SPATA31A1: variants seen among roughly 807,000 people sequenced by gnomAD.
The protein encoded by SPATA31A1 is SPATA31 subfamily A member 1, also known as spermatogenesis-associated protein 31A1.
For missense variants in SPATA31A1, 579 were observed against 1,476.3 expected (o/e 0.39, Z 9.96); for synonymous variants, 194 against 573.4 (o/e 0.34, Z 9.45).
At chr9:39,357,546 G>T (rs1307944901) in intron 2 of SPATA31A1, 4 of 639,012 alleles carry the variant, frequency 6.3e-6, no homozygotes, top group African/African-American at 3.8e-5. Context: ...GACTGTGGGG[G>T]TGGGGGGTCC....
In SPATA31A1 at chr9:39,361,063, C is replaced by T; in HGVS notation, c.3298C>T (p.Gln1100Ter). The T allele has an allele frequency of 6.2e-7, 1 of 1,610,892 alleles. No individual in the cohort carries two copies. Among genetic ancestry groups the T allele is most frequent in the Admixed American group, 1.7e-5 (1 of 59,926 alleles). Residue 1100 changes from glutamine to a stop codon, truncating the protein, a stop_gained, in exon 4 of 4, where the codon CAA (glutamine) becomes TAA (stop). Coordinates refer to ENST00000377647, the MANE Select transcript of SPATA31A1 (RefSeq NM_001085452.4). LOFTEE classifies it low-confidence loss of function (END_TRUNC). ...AAACTGTCAAGGCTCATGCAAGAAC[C>T]AAAGGCCAATGTTTCCCCCTATTCA... Reference protein sequence around the residue: ...NPNCQGSCKNQRPMFPPIHKS... With the variant: ...NPNCQGSCKN
Position 39,358,723 on chromosome 9 carries a change from C to T in SPATA31A1, c.958C>T (p.Leu320Phe), listed in dbSNP as rs1473709944. Residue 320 changes from leucine (L) to phenylalanine (F), a missense_variant, in exon 4 of 4, where the codon CTC (leucine) becomes TTC (phenylalanine). Physicochemically the swap from Leu to Phe is conservative, Grantham distance 22 (BLOSUM62 0). Transcript: ENST00000377647. ...GATGGAAGCTGGTAGCCTGTTTTTG[C>T]TCAGCTCTGATGGCCAGAATGCCGT... ...YQMEAGSLFL[L>F]SSDGQNAVGI... 24 of 1,606,338 alleles carry T rather than the reference C, an allele frequency of 1.5e-5. No individual in the cohort carries two copies. The East Asian group carries it at 1.8e-4, about 12-fold the overall frequency.
chr9:39,357,658 T>G, intron 2 of SPATA31A1, 100 bp from the exon 3 acceptor site: 3 of 1,594,244 alleles, frequency 1.9e-6, no homozygotes, highest in Non-Finnish European at 2.6e-6. Context: ...GGGCCCAGGG[T>G]CTAATTCCCC....
rs1218180120 is a variant in SPATA31A1 at position 39,361,739 on chromosome 9, C to T, written c.3974C>T (p.Pro1325Leu). ...CCAGTCAGTCCCCTTCAGCACTGGC[C>T]GAAGACATCCGGTGCCTCTAGCCAC... Reference protein sequence around the residue: ...VSPVSPLQHWPKTSGASSHHH... With the variant: ...VSPVSPLQHWLKTSGASSHHH... The change falls in exon 4 of 4, where the codon CCG becomes CTG. Residue 1325 changes from proline (P) to leucine (L), a missense_variant. Transcript: ENST00000377647. 6.8e-6 allele frequency: 11 copies of T among 1,612,418 alleles called. No homozygotes were observed. Among genetic ancestry groups the T allele is most frequent in the East Asian group, 4.5e-5 (2 of 44,866 alleles).
chr9:39,356,403 G>A lies in SPATA31A1; in HGVS notation c.189+484G>A, dbSNP rs1266917503. 2.4e-4 allele frequency among the ~76,000 whole-genome samples: 25 copies of A among 102,380 alleles called. No homozygotes were observed. In the East Asian group the frequency reaches 7.1e-3, roughly 29 times the overall value. The allele number at this position is 102,380 out of a possible 152,430, so 67.2% of individuals were successfully genotyped here. On this transcript the variant is annotated intron_variant, in intron 1 of 3. Transcript: ENST00000377647. ...TACCTGATAGCTCAGCAGTGCCTGC[G>A]GGCCTGAACTTGGGTGTTCCTGGAG...
Position 39,361,329 on chromosome 9 carries a change from G to A in SPATA31A1, c.3564G>A (p.Glu1188=). Residue 1188 remains glutamate, a synonymous_variant, in exon 4 of 4, where the codon GAG becomes GAA. Coordinates refer to ENST00000377647, the MANE Select transcript of SPATA31A1 (RefSeq NM_001085452.4). The part of the protein sequence containing the change: ...KKSKPAPVTA[E]SQKTVKNRSC... ...GCAAGCCAGCACCAGTCACTGCTGA[G>A]AGCCAAAAAACAGTGAAAAACAGAT... The A allele has an allele frequency of 3.7e-6, 6 of 1,613,518 alleles. No homozygotes were observed. Among genetic ancestry groups the A allele is most frequent in the Non-Finnish European group, 4.2e-6 (5 of 1,179,846 alleles).
At position 39,358,784 on chromosome 9, in the gene SPATA31A1, T is replaced by C; in HGVS notation, c.1019T>C (p.Ile340Thr). 6.3e-7 allele frequency: 1 copy of C among 1,599,896 alleles called. No individual in the cohort carries two copies. Among genetic ancestry groups the C allele is most frequent in the East Asian group, 2.2e-5 (1 of 44,870 alleles). The part of the protein sequence containing the change: ...IQVTETAKVN[I>T]WEEKENVGSF... ...GTCACAGAAACAGCCAAGGTCAACATTTGGGAAGAAAAAGAAAATGTTGGA... is the reference window on the plus strand; with the variant it reads ...GTCACAGAAACAGCCAAGGTCAACACTTGGGAAGAAAAAGAAAATGTTGGA... Residue 340 changes from isoleucine (I) to threonine (T), a missense_variant, in exon 4 of 4, where the codon ATT becomes ACT. Physicochemically the swap from Ile to Thr is moderately conservative, Grantham distance 89. Transcript: ENST00000377647.
rs1252643026 is a variant in SPATA31A1, at chr9:39,358,831, C to A, written c.1066C>A (p.Pro356Thr). The change falls in exon 4 of 4, where the codon CCA becomes ACA. Residue 356 changes from proline (P) to threonine (T), a missense_variant. Transcript: ENST00000377647. Reference sequence around the variant, plus strand: ...TGGATCATTTACAGATCGAATGACCCCAGAAAAGCACTTAAATTCTTTGCG... The same window carrying A: ...TGGATCATTTACAGATCGAATGACCACAGAAAAGCACTTAAATTCTTTGCG... ...NVGSFTDRMT[P>T]EKHLNSLRNL... 2.5e-6 allele frequency: 4 copies of A among 1,596,426 alleles called. No individual in the cohort carries two copies. In the African/African-American group the frequency reaches 4.0e-5, roughly 16 times the overall value.
At chr9:39,356,506 G>A (rs1379744859) in intron 1 of SPATA31A1, among the ~76,000 whole-genome samples, 1 of 141,644 alleles carries the variant, frequency 7.1e-6, no homozygotes, top group Admixed American at 7.2e-5. Flanking sequence ...GTGTGTGTGT[G>A]TGTGTGTATT....
Position 39,360,997 on chromosome 9 carries a change from G to A in SPATA31A1, c.3232G>A (p.Ala1078Thr), listed in dbSNP as rs372003488. 1.9e-5 allele frequency: 31 copies of A among 1,610,528 alleles called. No individual in the cohort carries two copies. The highest frequency in any genetic ancestry group is 1.9e-5 in the Non-Finnish European group (23 of 1,179,682). Residue 1078 changes from alanine (A) to threonine (T), a missense_variant, in exon 4 of 4, where the codon GCC (alanine) becomes ACC (threonine). Coordinates refer to ENST00000377647, the MANE Select transcript of SPATA31A1 (RefSeq NM_001085452.4). ...CCAGGAGCTACATGACCTTATGGCA[G>A]CCAGAAGGAGCAAACTGGTGCACGA... is the stretch of plus-strand genomic sequence containing the variant. Reference protein sequence around the residue: ...ASQELHDLMAARRSKLVHEEP... With the variant: ...ASQELHDLMATRRSKLVHEEP...
Position 39,361,284 on chromosome 9 carries a change from G to A in SPATA31A1, c.3519G>A (p.Trp1173Ter). The change falls in exon 4 of 4, where the codon TGG becomes TGA. Residue 1173 changes from tryptophan (W) to a stop codon, truncating the protein, a stop_gained. Transcript: ENST00000377647. LOFTEE classifies it low-confidence loss of function (END_TRUNC). ...GAAACATCAAGCAATTTTTTCAGTGGATTTTTTCAAAGAAAAAAAGCAAGC... is the reference window on the plus strand; with the variant it reads ...GAAACATCAAGCAATTTTTTCAGTGAATTTTTTCAAAGAAAAAAAGCAAGC... ...FGGNIKQFFQ[W>*]IFSKKKSKPA... 1 of 1,612,384 alleles carries A rather than the reference G, an allele frequency of 6.2e-7. No homozygotes were observed. The highest frequency in any genetic ancestry group is 2.2e-5 in the East Asian group (1 of 44,872).
At chr9:39,357,667 C>G (rs1160097192) in intron 2 of SPATA31A1, 91 bp from the exon 3 acceptor site, 48 of 1,590,348 alleles carry the variant, frequency 3.0e-5, no homozygotes, top group East Asian at 4.5e-5. Flanking sequence ...GTCTAATTCC[C>G]CATGGTCCTC....
chr9:39,361,489 C>T lies in SPATA31A1; in HGVS notation c.3724C>T (p.Pro1242Ser). 3 of 1,612,936 alleles carry T rather than the reference C, an allele frequency of 1.9e-6. No individual in the cohort carries two copies. The highest frequency in any genetic ancestry group is 2.5e-6 in the Non-Finnish European group (3 of 1,179,498). Reference protein sequence around the residue: ...VNQHKQKFQAPVCGFPCNHRH... With the variant: ...VNQHKQKFQASVCGFPCNHRH... ...TCAGCACAAACAGAAGTTTCAAGCC[C>T]CAGTCTGTGGGTTTCCCTGCAACCA... Residue 1242 changes from proline (P) to serine (S), a missense_variant, in exon 4 of 4, where the codon CCA (proline) becomes TCA (serine). Coordinates refer to ENST00000377647, the MANE Select transcript of SPATA31A1 (RefSeq NM_001085452.4).
Position 39,361,414 on chromosome 9 carries a change from C to T in SPATA31A1, c.3649C>T (p.Leu1217=), listed in dbSNP as rs1823463839. Residue 1217 remains leucine, a synonymous_variant, in exon 4 of 4, where the codon CTG becomes TTG. Coordinates refer to ENST00000377647, the MANE Select transcript of SPATA31A1 (RefSeq NM_001085452.4). The part of the protein sequence containing the change: ...QGLMTAVGQM[L]DEKMSLCHAR... ...TCTCATGACGGCAGTTGGACAAATGCTGGACGAGAAAATGTCACTTTGCCA... is the reference window on the plus strand; with the variant it reads ...TCTCATGACGGCAGTTGGACAAATGTTGGACGAGAAAATGTCACTTTGCCA... 6.2e-7 allele frequency: 1 copy of T among 1,613,456 alleles called. No individual in the cohort carries two copies. Among genetic ancestry groups the T allele is most frequent in the African/African-American group, 1.3e-5 (1 of 74,666 alleles).
rs1320606912 is a variant in SPATA31A1, at chr9:39,361,456, A to G, written c.3691A>G (p.Lys1231Glu). Residue 1231 changes from lysine (K) to glutamate (E), a missense_variant, in exon 4 of 4, where the codon AAG becomes GAG. Transcript: ENST00000377647. ...MSLCHARHAS[K>E]VNQHKQKFQA... ...ACTTTGCCATGCGCGCCATGCCTCG[A>G]AGGTAAATCAGCACAAACAGAAGTT... The G allele has an allele frequency of 6.2e-7, 1 of 1,612,962 alleles. No homozygotes were observed. The highest frequency in any genetic ancestry group is 8.5e-7 in the Non-Finnish European group (1 of 1,179,502).
In SPATA31A1 at chr9:39,356,449, G is replaced by T. The variant is rs1340879435; in HGVS notation, c.189+530G>T. On this transcript the variant is annotated intron_variant, in intron 1 of 3. Transcript: ENST00000377647. ...TGGAGCAGAGGAACAGGGACTGAAG[G>T]TGTCCGTGGTGGACCTCATATTGAA... is the stretch of plus-strand genomic sequence containing the variant. Among the ~76,000 whole-genome samples, 298 of 131,978 alleles carry T rather than the reference G, an allele frequency of 2.3e-3. 5 individuals carry two copies. Among genetic ancestry groups the T allele is most frequent in the African/African-American group, 8.4e-3 (284 of 34,000 alleles). The allele number at this position is 131,978 out of a possible 152,430, so 86.6% of individuals were successfully genotyped here.
Position 39,361,661 on chromosome 9 carries a change from A to G in SPATA31A1, c.3896A>G (p.Glu1299Gly), listed in dbSNP as rs1258454114. The part of the protein sequence containing the change: ...QPLKSVRCNN[E>G]QWGLRHPQIL... ...TTGAAAAGTGTGCGGTGCAACAATGAGCAATGGGGCCTGCGACATCCCCAA... is the reference window on the plus strand; with the variant it reads ...TTGAAAAGTGTGCGGTGCAACAATGGGCAATGGGGCCTGCGACATCCCCAA... Residue 1299 changes from glutamate to glycine, a missense_variant, in exon 4 of 4, where the codon GAG becomes GGG. Physicochemically the swap from Glu to Gly is moderately conservative, Grantham distance 98. Coordinates refer to ENST00000377647, the MANE Select transcript of SPATA31A1 (RefSeq NM_001085452.4). 5.3e-5 allele frequency: 86 copies of G among 1,613,260 alleles called. No homozygotes were observed. In the East Asian group the frequency reaches 1.9e-3, roughly 35 times the overall value.
Position 39,358,602 on chromosome 9 carries a change from C to T in SPATA31A1, c.837C>T (p.Ala279=), listed in dbSNP as rs1823386048. The T allele has an allele frequency of 9.4e-6, 15 of 1,598,894 alleles. No individual in the cohort carries two copies. Among genetic ancestry groups the T allele is most frequent in the Non-Finnish European group, 1.3e-5 (15 of 1,178,912 alleles). ...GLGGSNSHVS[A]SSRWQETART... ...GTGGCTCAAACAGTCATGTTTCTGC[C>T]TCCTCCCGGTGGCAGGAGACTGCCA... Residue 279 remains alanine, a synonymous_variant, in exon 4 of 4, where the codon GCC becomes GCT. Transcript: ENST00000377647.
Position 39,358,295 on chromosome 9 carries a change from C to T in SPATA31A1, c.530C>T (p.Ser177Leu). ...STPSPGPMTT[S>L]VSSLSASQPP... ...CCATCACCAGGCCCAATGACCACCTCAGTCTCCTCCCTAAGTGCCTCCCAG... is the reference window on the plus strand; with the variant it reads ...CCATCACCAGGCCCAATGACCACCTTAGTCTCCTCCCTAAGTGCCTCCCAG... The change falls in exon 4 of 4, where the codon TCA becomes TTA. Residue 177 changes from serine to leucine, a missense_variant. Ser to Leu is a moderately radical substitution (Grantham distance 145). Transcript: ENST00000377647. 6.5e-7 allele frequency: 1 copy of T among 1,532,600 alleles called. No individual in the cohort carries two copies. Among genetic ancestry groups the T allele is most frequent in the East Asian group, 2.3e-5 (1 of 42,732 alleles). 94.9% of individuals were successfully genotyped at this position (1,532,600 alleles called of 1,614,324 possible).
Sources: gnomAD v4.1 joint callset for allele counts (sites outside exome capture counted in the v4.1 genomes callset) on GRCh38, gnomAD v4.1.1 for gene constraint, MANE v1.5 for transcripts, NCBI Gene and HGNC (gene_info 2026-07-23, HGNC 2026-07-21) for gene names.